Variants in ENTPD7 observed in about 807,000 individuals in gnomAD.
The protein encoded by ENTPD7 is NTPDase 7.
Under a neutral mutation model 77.9 loss-of-function variants are expected in ENTPD7, and 53 were observed. The observed-to-expected ratio is 0.68, with a 90% CI of 0.55 to 0.85. ENTPD7 has a LOEUF of 0.85. Ranked by LOEUF, ENTPD7 falls within the 40% of genes least tolerant of loss-of-function variation. ENTPD7 has a pLI of 0.00. For missense variants in ENTPD7, 636 were observed against 743.7 expected, an observed-to-expected ratio of 0.86 and a Z score of 1.68; for synonymous variants, 248 against 274.9, an observed-to-expected ratio of 0.90 and a Z score of 0.97.
At chr10:99,661,418 A>G in intron 2 of ENTPD7, 28 bp from the exon 3 acceptor site, 1 of 1,570,016 alleles carries the variant, frequency 6.4e-7, no homozygotes, top group South Asian at 1.2e-5. Flanking sequence ...GAAATGTTTC[A>G]GACTTACTAA....
intron 2 of ENTPD7, chr10:99,660,291 T>C (rs1355780734): frequency 1.0e-6 from 1 of 985,276 alleles, no homozygotes; most frequent in East Asian, 1.1e-4. Context: ...TTTTGTTTTT[T>C]GTTTGCAGTG....
At position 99,702,580 on chromosome 10, in the gene ENTPD7, A is replaced by C. The variant is rs2036161257; in HGVS notation, c.1490A>C (p.Tyr497Ser). ...GAAGGATTCCACTTTCCCTATGACT[A>C]CCCAAACCTGCGGACAGCCCAGCTG... Reference protein sequence around the residue: ...LHEGFHFPYDYPNLRTAQLVY... With the variant: ...LHEGFHFPYDSPNLRTAQLVY... The change falls in exon 12 of 13, where the codon TAC (tyrosine) becomes TCC (serine). Residue 497 changes from tyrosine to serine, a missense_variant. Tyr to Ser is a moderately radical substitution (Grantham distance 144). Coordinates refer to ENST00000370489, the MANE Select transcript of ENTPD7 (RefSeq NM_020354.5). 1 of 1,613,216 alleles carries C rather than the reference A, an allele frequency of 6.2e-7. No homozygotes were observed. Among genetic ancestry groups the C allele is most frequent in the African/African-American group, 1.3e-5 (1 of 74,888 alleles).
chr10:99,682,006 C>T (rs1447544325), intron 5 of ENTPD7, among the ~76,000 whole-genome samples: 1 of 152,020 alleles, frequency 6.6e-6, no homozygotes, highest in Non-Finnish European at 1.5e-5. Flanking sequence ...TTAATTTTTT[C>T]CTTTACTGTA....
intron 3 of ENTPD7, among the ~76,000 whole-genome samples, chr10:99,672,548 C>G (rs1590040195): frequency 6.6e-6 from 1 of 152,156 alleles, no homozygotes; most frequent in Non-Finnish European, 1.5e-5. Context: ...TCAAGCAAGC[C>G]ACCTACCTTG....
At chr10:99,695,842 A>G in intron 8 of ENTPD7, 114 bp from the exon 9 acceptor site, 4 of 943,174 alleles carry the variant, frequency 4.2e-6, no homozygotes. Context: ...AAGAATGCTT[A>G]AGATGTTTTA....
Position 99,659,915 on chromosome 10 carries a change from G to T in ENTPD7, c.-42G>T. On this transcript the variant is annotated 5_prime_UTR_variant, in exon 2 of 13. Transcript: ENST00000370489. This position sits in a 1 kb window ranked among gnomAD's most constrained non-coding sequence, Gnocchi z 4.1. ...AGGAGGCCACCTTCTCAGGGCAAAAGAAAAAGAAGGTGACAGGCGTTGAGA... is the reference window on the plus strand; with the variant it reads ...AGGAGGCCACCTTCTCAGGGCAAAATAAAAAGAAGGTGACAGGCGTTGAGA... 1.2e-6 allele frequency: 2 copies of T among 1,613,956 alleles called. No homozygotes were observed. The highest frequency in any genetic ancestry group is 1.7e-6 in the Non-Finnish European group (2 of 1,179,954).
Position 99,691,497 on chromosome 10 carries a change from C to T in ENTPD7, c.822C>T (p.Thr274=), listed in dbSNP as rs1168855744. The T allele has an allele frequency of 1.2e-6, 2 of 1,613,844 alleles. No individual in the cohort carries two copies. The highest frequency in any genetic ancestry group is 1.7e-5 in the Admixed American group (1 of 60,000). The part of the protein sequence containing the change: ...LQIAYEVPTS[T]SVLPAKQEEA... The stretch of plus-strand genomic sequence containing the variant: ...TTGCTTATGAAGTTCCTACCTCAAC[C>T]TCTGTCCTTCCTGCAAAGCAGGTAC... Residue 274 remains threonine (T), a synonymous_variant, in exon 8 of 13, where the codon ACC becomes ACT. Transcript: ENST00000370489.
chr10:99,671,778 A>G (rs2035621240), intron 3 of ENTPD7, among the ~76,000 whole-genome samples: 2 of 152,122 alleles, frequency 1.3e-5, no homozygotes, highest in South Asian at 2.1e-4. Flanking sequence ...TGGTTGAACT[A>G]TTGTCTGAAG....
intron 3 of ENTPD7, among the ~76,000 whole-genome samples, chr10:99,677,203 T>G (rs2035692913): frequency 6.6e-6 from 1 of 152,182 alleles, no homozygotes; most frequent in Non-Finnish European, 1.5e-5. Flanking sequence ...GGGCTTTTTT[T>G]CTATTTGTAA....
At chr10:99,667,095 A>T (rs2035559865) in intron 3 of ENTPD7, among the ~76,000 whole-genome samples, 1 of 152,234 alleles carries the variant, frequency 6.6e-6, no homozygotes, top group Non-Finnish European at 1.5e-5. Context: ...GGTTGAATTA[A>T]TTGAAACAAG....
At chr10:99,694,339 G>T (rs2035933126) in intron 8 of ENTPD7, among the ~76,000 whole-genome samples, 4 of 152,036 alleles carry the variant, frequency 2.6e-5, no homozygotes, top group African/African-American at 9.7e-5. Context: ...TGTTTTCAAG[G>T]TTCAGCCATC....
At chr10:99,679,186 A>C in intron 3 of ENTPD7, 75 bp from the exon 4 acceptor site, 1 of 1,429,434 alleles carries the variant, frequency 7.0e-7, no homozygotes, top group Non-Finnish European at 9.7e-7. Context: ...AAGATTCATG[A>C]ACAAATGAAG....
chr10:99,696,004 G>A lies in ENTPD7; in HGVS notation c.892G>A (p.Val298Met). ...LLAEFNLGCD[V>M]QHTEHVYRVY... ...GGCTGAGTTCAACCTGGGCTGTGATGTGCAACACACTGAACACGTGTACAG... is the reference window on the plus strand; with the variant it reads ...GGCTGAGTTCAACCTGGGCTGTGATATGCAACACACTGAACACGTGTACAG... The change falls in exon 9 of 13, where the codon GTG becomes ATG. Residue 298 changes from valine to methionine, a missense_variant. Physicochemically the swap from Val to Met is conservative, Grantham distance 21 (BLOSUM62 1). Transcript: ENST00000370489. 2.5e-6 allele frequency: 4 copies of A among 1,614,124 alleles called. No homozygotes were observed. The highest frequency in any genetic ancestry group is 3.4e-6 in the Non-Finnish European group (4 of 1,179,990).
At chr10:99,676,304 T>C (rs143600139) in intron 3 of ENTPD7, among the ~76,000 whole-genome samples, 5 of 152,246 alleles carry the variant, frequency 3.3e-5, no homozygotes, top group Admixed American at 6.5e-5. Context: ...TTTTCTAATA[T>C]AGTAAATATA....
chr10:99,679,324 A>G lies in ENTPD7; in HGVS notation c.255A>G (p.Gly85=), dbSNP rs1353482872. The change falls in exon 4 of 13, where the codon GGA becomes GGG. Residue 85 remains glycine (G), a synonymous_variant. Transcript: ENST00000370489. ...CTGAAGACCCAAATCTGAATTATGG[A>G]CTTGTTGTTGACTGTGGCAGCAGTG... ...TDTEDPNLNY[G]LVVDCGSSGS... 6.2e-7 allele frequency: 1 copy of G among 1,614,094 alleles called. No homozygotes were observed. Among genetic ancestry groups the G allele is most frequent in the East Asian group, 2.2e-5 (1 of 44,880 alleles).
Position 99,701,594 on chromosome 10 carries a change from G to A in ENTPD7, c.1421+536G>A, listed in dbSNP as rs533774766. On this transcript the variant is annotated intron_variant, in intron 11 of 12. Transcript: ENST00000370489. Reference sequence around the variant, plus strand: ...TGAGCCACCGGGCCCGGCCAAAAGTGATTTTTTTTTTAACTTTGTATTATA... The same window carrying A: ...TGAGCCACCGGGCCCGGCCAAAAGTAATTTTTTTTTTAACTTTGTATTATA... Among the ~76,000 whole-genome samples the A allele has an allele frequency of 2.6e-5, 4 of 151,728 alleles. No homozygotes were observed. The East Asian group carries it at 7.8e-4, about 30-fold the overall frequency.
Position 99,659,730 on chromosome 10 carries a change from A to C in ENTPD7, c.-95-132A>C. ...CGCCCCGCTCCCAGGATGCCCGGGTAGGGTCCCCTGGGCCTGAGGAACCAG... is the reference window on the plus strand; with the variant it reads ...CGCCCCGCTCCCAGGATGCCCGGGTCGGGTCCCCTGGGCCTGAGGAACCAG... On this transcript the variant is annotated intron_variant, in intron 1 of 12. Coordinates refer to ENST00000370489, the MANE Select transcript of ENTPD7 (RefSeq NM_020354.5). This position sits in a 1 kb window ranked among gnomAD's most constrained non-coding sequence, Gnocchi z 4.1. 3.9e-6 allele frequency: 2 copies of C among 509,658 alleles called. No individual in the cohort carries two copies. The highest frequency in any genetic ancestry group is 2.0e-5 in the African/African-American group (1 of 50,576). 31.6% of individuals were successfully genotyped at this position (509,658 alleles called of 1,614,324 possible). A position where few individuals can be genotyped will look rare whatever the true frequency, so the allele number is the denominator to read the frequency against.
chr10:99,669,738 T>G (rs11190233), intron 3 of ENTPD7, among the ~76,000 whole-genome samples: 2 of 119,168 alleles, frequency 1.7e-5, no homozygotes, highest in Admixed American at 9.9e-5. Flanking sequence ...GTTAGATGTG[T>G]GGTTTTTTTT....
chr10:99,692,330 T>G (rs2035895478), intron 8 of ENTPD7, among the ~76,000 whole-genome samples: 1 of 152,192 alleles, frequency 6.6e-6, no homozygotes, highest in Admixed American at 6.5e-5. Context: ...CCCTTCCAGT[T>G]GTGACAATCA....
Sources: allele counts gnomAD v4.1 joint callset (sites outside exome capture counted in the v4.1 genomes callset), GRCh38; gene constraint gnomAD v4.1.1; non-coding constraint Gnocchi (gnomAD v3.1); transcripts MANE v1.5; gene names NCBI Gene and HGNC (gene_info 2026-07-23, HGNC 2026-07-21).